Variants in PDXDC1 observed in about 807,000 individuals in gnomAD.
The protein encoded by PDXDC1 is pyridoxal dependent decarboxylase domain containing 1.
A neutral mutation model predicts 100.1 loss-of-function variants in PDXDC1; 42 were observed. That is an observed-to-expected ratio of 0.42 (90% CI 0.33 to 0.54). The LOEUF (loss-of-function observed/expected upper bound fraction) is 0.54. Ranked by LOEUF, PDXDC1 falls within the 20% of genes least tolerant of loss-of-function variation. The pLI, the probability that PDXDC1 is intolerant of heterozygous loss-of-function variation, is 0.10. For synonymous variants in PDXDC1, 260 were observed against 371.7 expected (o/e 0.70, Z 3.46); for missense variants, 636 against 979.2 (o/e 0.65, Z 4.68).
chr16:15,023,763 A>C (rs1401872767), intron 13 of PDXDC1, among the ~76,000 whole-genome samples: 1 of 152,292 alleles, frequency 6.6e-6, no homozygotes, highest in Non-Finnish European at 1.5e-5. Context: ...TGGGAGTTCT[A>C]TCCTTGGACG....
At position 15,033,102 on chromosome 16, in the gene PDXDC1, C is replaced by A. The variant is rs902713623; in HGVS notation, c.1690+123C>A. Reference sequence around the variant, plus strand: ...TCGGGCTGGGTTCCAGGCGAAGATGCGGTTCTGAGACCTCCCTCCCCTTCT... The same window carrying A: ...TCGGGCTGGGTTCCAGGCGAAGATGAGGTTCTGAGACCTCCCTCCCCTTCT... On this transcript the variant is annotated intron_variant, in intron 18 of 22. Coordinates refer to ENST00000396410, the MANE Select transcript of PDXDC1 (RefSeq NM_015027.4). 25 of 955,018 alleles carry A rather than the reference C, an allele frequency of 2.6e-5. No individual in the cohort carries two copies. The Admixed American group carries it at 3.0e-4, about 12-fold the overall frequency. The allele number at this position is 955,018 out of a possible 1,614,324, so 59.2% of individuals were successfully genotyped here. A position where few individuals can be genotyped will look rare whatever the true frequency, so the allele number is the denominator to read the frequency against.
At position 15,038,331 on chromosome 16, in the gene PDXDC1, G is replaced by C. The variant is rs1258426762; in HGVS notation, c.*2056G>C. The C allele has an allele frequency of 1.1e-5, 8 of 755,516 alleles. No homozygotes were observed. The highest frequency in any genetic ancestry group is 1.7e-5 in the Non-Finnish European group (8 of 475,926). The allele number at this position is 755,516 out of a possible 1,614,324, so 46.8% of individuals were successfully genotyped here. A position where few individuals can be genotyped will look rare whatever the true frequency, so the allele number is the denominator to read the frequency against. On this transcript the variant is annotated 3_prime_UTR_variant, in exon 23 of 23. Coordinates refer to ENST00000396410, the MANE Select transcript of PDXDC1 (RefSeq NM_015027.4). The stretch of plus-strand genomic sequence containing the variant: ...TATATAATAAAATACGTTAAGAAAT[G>C]AGGTGGCCTGAATTAGTAAGAAAAA...
intron 16 of PDXDC1, chr16:15,068,204 C>G (rs2045061360): frequency 6.3e-7 from 1 of 1,597,094 alleles, no homozygotes; most frequent in Admixed American, 1.7e-5. Context: ...CCACTGAGGG[C>G]AGGCAAATCT....
intron 17 of PDXDC1, chr16:15,032,224 T>G: frequency 3.1e-6 from 1 of 322,106 alleles, no homozygotes. Context: ...GAATTGCAAA[T>G]CAGTAAGAAA....
At chr16:15,033,554 G>A (rs1237921872) in intron 19 of PDXDC1, among the ~76,000 whole-genome samples, 155 bp downstream of exon 19, 1 of 152,262 alleles carries the variant, frequency 6.6e-6, no homozygotes, top group African/African-American at 2.4e-5. Flanking sequence ...CCAGGTGTCA[G>A]AGATGCCAAG....
chr16:15,053,311 C>A (rs1306383646), intron 16 of PDXDC1, among the ~76,000 whole-genome samples: 1 of 152,172 alleles, frequency 6.6e-6, no homozygotes. Flanking sequence ...ATGGGAATAG[C>A]AGTAACTCTT....
At chr16:15,101,981 T>C (rs1379423641) in intron 16 of PDXDC1, among the ~76,000 whole-genome samples, 1 of 152,232 alleles carries the variant, frequency 6.6e-6, no homozygotes, top group East Asian at 1.9e-4. Flanking sequence ...CCCGAGTAGC[T>C]GGGATTACAG....
intron 16 of PDXDC1, among the ~76,000 whole-genome samples, chr16:15,054,152 C>T (rs1382002456): frequency 6.6e-6 from 1 of 152,202 alleles, no homozygotes; most frequent in African/African-American, 2.4e-5. Context: ...GCGGCTTGCC[C>T]AGCTGCGATG....
intron 16 of PDXDC1, chr16:15,086,195 G>A: frequency 6.3e-7 from 1 of 1,592,650 alleles, no homozygotes; most frequent in Non-Finnish European, 8.6e-7. Flanking sequence ...GCTGATACAA[G>A]ATTACCAAGA....
intron 1 of PDXDC1, among the ~76,000 whole-genome samples, chr16:14,991,267 A>ATG (rs10642182): frequency 0.11 from 16,008 of 148,690 alleles, 571 homozygotes; most frequent in African/African-American, 0.22. Context: ...GTATATAGAT[A>ATG]TGTGTGTGTG....
rs1290737844 is a variant in PDXDC1, at chr16:15,010,585, G to A, written c.727+826G>A. Among the ~76,000 whole-genome samples the A allele has an allele frequency of 2.0e-5, 3 of 152,268 alleles. No homozygotes were observed. In the South Asian group the frequency reaches 6.2e-4, roughly 31 times the overall value. On this transcript the variant is annotated intron_variant, in intron 8 of 22. Transcript: ENST00000396410. ...ACACTTAAATATCTACCTTATAGGC[G>A]GCAGAGCAACTACCACTTGCTGCTC...
chr16:15,102,787 CA>C (rs2046606115), intron 16 of PDXDC1, among the ~76,000 whole-genome samples: 1 of 146,704 alleles, frequency 6.8e-6, no homozygotes, highest in Non-Finnish European at 1.5e-5. Context: ...CCCATATCCA[CA>C]AAAAATTTAA....
At chr16:15,046,483 G>A (rs565813367) in intron 16 of PDXDC1, among the ~76,000 whole-genome samples, 2 of 152,102 alleles carry the variant, frequency 1.3e-5, no homozygotes, top group African/African-American at 2.4e-5. Context: ...TCAGTTGCCC[G>A]TCTCTGTCAA....
chr16:15,031,255 C>G (rs1486387292), intron 16 of PDXDC1, among the ~76,000 whole-genome samples: 1 of 151,742 alleles, frequency 6.6e-6, no homozygotes, highest in Admixed American at 6.6e-5. Context: ...GGCCACAGCT[C>G]TAGATACTTA....
chr16:14,982,602 C>T (rs1194172496), intron 1 of PDXDC1, among the ~76,000 whole-genome samples: 3 of 152,034 alleles, frequency 2.0e-5, no homozygotes, highest in African/African-American at 7.2e-5. Context: ...TTCTTAAATA[C>T]TGTACTGTTG....
downstream of PDXDC1, among the ~76,000 whole-genome samples, chr16:15,043,048 G>C (rs995514686): frequency 6.6e-6 from 1 of 152,226 alleles, no homozygotes; most frequent in African/African-American, 2.4e-5. Context: ...TTACAGGCAT[G>C]CACCACCATG....
At chr16:15,130,455 C>T (rs781142089) in intron 16 of PDXDC1, 5 of 1,456,188 alleles carry the variant, frequency 3.4e-6, no homozygotes, top group Non-Finnish European at 4.8e-6. Context: ...GTCTCTGGTC[C>T]TGGGCAGGGA....
intron 16 of PDXDC1, among the ~76,000 whole-genome samples, chr16:15,124,388 T>C (rs1188005079): frequency 2.0e-5 from 3 of 152,176 alleles, no homozygotes; most frequent in Non-Finnish European, 2.9e-5. Context: ...CATAAGGTTA[T>C]TGTAAACAGG....
intron 21 of PDXDC1, 37 bp from the exon 22 acceptor site, chr16:15,035,412 G>A (rs1026093016): frequency 1.1e-5 from 14 of 1,292,188 alleles, no homozygotes; most frequent in Middle Eastern, 2.6e-4. Context: ...GGCAGCCTGT[G>A]CCTGTAGCTT....
Sources: allele counts gnomAD v4.1 joint callset (sites outside exome capture counted in the v4.1 genomes callset), GRCh38; gene constraint gnomAD v4.1.1; transcripts MANE v1.5; gene names NCBI Gene and HGNC (gene_info 2026-07-23, HGNC 2026-07-21).